Variants in SUZ12 observed in about 807,000 individuals in gnomAD.
The protein encoded by SUZ12 is SUZ12 polycomb repressive complex 2 subunit.
A neutral mutation model predicts 87.3 loss-of-function variants in SUZ12; 17 were observed. The observed-to-expected ratio is 0.19, with a 90% confidence interval of 0.13 to 0.29. SUZ12 has a LOEUF of 0.29. SUZ12 is among the 10% of genes least tolerant of loss of function. The pLI, the probability that SUZ12 is intolerant of heterozygous loss-of-function variation, is 1.00. For synonymous variants in SUZ12, 253 were observed against 312.4 expected, an observed-to-expected ratio of 0.81 and a Z score of 2.01; for missense variants, 526 against 912.2, an observed-to-expected ratio of 0.58 and a Z score of 5.45.
intron 4 of SUZ12, 77 bp from the exon 5 acceptor site, chr17:31,966,070 A>G (rs1215163159): frequency 1.5e-5 from 19 of 1,301,840 alleles, no homozygotes; most frequent in Non-Finnish European, 1.6e-5. Context: ...TTTGATTTCA[A>G]TGTTATATTT....
In SUZ12 at chr17:31,966,203, A is replaced by T; in HGVS notation, c.505+7A>T. 2 of 1,598,534 alleles carry T rather than the reference A, an allele frequency of 1.3e-6. No individual in the cohort carries two copies. Among genetic ancestry groups the T allele is most frequent in the Non-Finnish European group, 8.5e-7 (1 of 1,174,610 alleles). ...GGTTTCTTCCACAAAAATGGTATGT[A>T]TTTAAAAGTAAATAAAGTGGCATTT... On this transcript the variant is annotated splice_region_variant and intron_variant, in intron 5 of 15. Coordinates refer to ENST00000322652, the MANE Select transcript of SUZ12 (RefSeq NM_015355.4).
At chr17:31,960,059 C>T (rs112217242) in intron 4 of SUZ12, among the ~76,000 whole-genome samples, 3,002 of 152,230 alleles carry the variant, frequency 0.02, 41 homozygotes, top group Non-Finnish European at 0.029. Context: ...CTTTTCCTCC[C>T]GTTCATCTGG....
At position 32,000,632 on chromosome 17, in the gene SUZ12, TAAAAAAA is replaced by T. The variant is rs769296762; in HGVS notation, c.*1640_*1646del. Reference sequence around the variant, plus strand: ...AATTTGCTAAAGCTGTGCACATATGTAAAAAAAAAAAAAAAAAGATTATTTTAGGGGA... The same window carrying T: ...AATTTGCTAAAGCTGTGCACATATGTAAAAAAAAAAGATTATTTTAGGGGA... On this transcript the variant is annotated 3_prime_UTR_variant, in exon 16 of 16. Transcript: ENST00000322652. The T allele has an allele frequency of 5.3e-6, 1 of 188,962 alleles. No homozygotes were observed. The highest frequency in any genetic ancestry group is 1.0e-5 in the Non-Finnish European group (1 of 95,818). 11.7% of individuals were successfully genotyped at this position (188,962 alleles called of 1,614,324 possible).
chr17:31,968,451 C>CA (rs1908223413), intron 5 of SUZ12, among the ~76,000 whole-genome samples: 1 of 152,070 alleles, frequency 6.6e-6, no homozygotes, highest in Non-Finnish European at 1.5e-5. Context: ...AGGCTGGTCT[C>CA]AAACTCCTGG....
intron 5 of SUZ12, among the ~76,000 whole-genome samples, chr17:31,969,603 AC>A (rs1567825226): frequency 6.6e-6 from 1 of 152,160 alleles, no homozygotes; most frequent in African/African-American, 2.4e-5. Flanking sequence ...GTTGAAAATA[AC>A]TATTCTATTT....
intron 9 of SUZ12, among the ~76,000 whole-genome samples, chr17:31,985,245 G>A (rs1909342038): frequency 6.7e-6 from 1 of 150,000 alleles, no homozygotes; most frequent in Admixed American, 6.7e-5. Flanking sequence ...TGTATATATA[G>A]TCTTTAACAA....
At chr17:31,947,815 A>G in intron 4 of SUZ12, 130 bp downstream of exon 4, 1 of 910,580 alleles carries the variant, frequency 1.1e-6, no homozygotes, top group Non-Finnish European at 1.6e-6. Flanking sequence ...TTTGGTCCAA[A>G]CTCACACACA....
At chr17:31,985,021 G>A (rs1255914993) in intron 9 of SUZ12, among the ~76,000 whole-genome samples, 1 of 152,074 alleles carries the variant, frequency 6.6e-6, no homozygotes, top group African/African-American at 2.4e-5. Context: ...CAGGCATGGT[G>A]GCAGGTGCTT....
At chr17:31,980,110 G>A (rs1909009975) in intron 8 of SUZ12, among the ~76,000 whole-genome samples, 1 of 151,708 alleles carries the variant, frequency 6.6e-6, no homozygotes, top group African/African-American at 2.4e-5. Flanking sequence ...GACTATTTGA[G>A]CCCAGGAGTT....
At chr17:31,948,597 A>G (rs991073694) in intron 4 of SUZ12, among the ~76,000 whole-genome samples, 1 of 152,204 alleles carries the variant, frequency 6.6e-6, no homozygotes. Context: ...GTTGACTGGT[A>G]AAAGACTTCC....
Position 31,998,933 on chromosome 17 carries a change from CAA to C in SUZ12, c.2153_2154del (p.Lys718ArgfsTer8). On this transcript the variant is annotated frameshift_variant, in exon 16 of 16. Coordinates refer to ENST00000322652, the MANE Select transcript of SUZ12 (RefSeq NM_015355.4). LOFTEE classifies it high-confidence loss of function. ...GCAAATGGATTTAGTGAAATTAACT[CAA>C]AAGAGAAAGCTTTGGAAACAGATAG... is the stretch of plus-strand genomic sequence containing the variant. 1 of 1,609,880 alleles carries C rather than the reference CAA, an allele frequency of 6.2e-7. No homozygotes were observed. The highest frequency in any genetic ancestry group is 8.5e-7 in the Non-Finnish European group (1 of 1,178,912).
At position 31,997,653 on chromosome 17, in the gene SUZ12, GAGACCCTATCTCCAAAAAAAAAAAAAAA is replaced by G. The variant is rs1344669801; in HGVS notation, c.1874+778_1874+805del. Among the ~76,000 whole-genome samples the G allele has an allele frequency of 2.3e-5, 3 of 130,202 alleles. No individual in the cohort carries two copies. The East Asian group carries it at 6.6e-4, about 29-fold the overall frequency. The allele number at this position is 130,202 out of a possible 152,430, so 85.4% of individuals were successfully genotyped here. On this transcript the variant is annotated intron_variant, in intron 15 of 15. Transcript: ENST00000322652. ...TGCACTCCAGCCTGGGCAACAGAGT[GAGACCCTATCTCCAAAAAAAAAAAAAAA>G]AAAAAAGGCCACCTTGGTGGGACCC...
At chr17:31,954,506 C>G (rs1175481631) in intron 4 of SUZ12, among the ~76,000 whole-genome samples, 1 of 152,014 alleles carries the variant, frequency 6.6e-6, no homozygotes, top group African/African-American at 2.4e-5. Flanking sequence ...GTGCAATGTC[C>G]TAGGCACTAT....
intron 1 of SUZ12, among the ~76,000 whole-genome samples, chr17:31,939,584 C>T (rs962493409): frequency 6.6e-6 from 1 of 150,832 alleles, no homozygotes; most frequent in African/African-American, 2.4e-5. Flanking sequence ...AGTACAATGA[C>T]GCGATCTCGG....
chr17:31,965,534 A>G (rs1324567966), intron 4 of SUZ12, among the ~76,000 whole-genome samples: 1 of 152,206 alleles, frequency 6.6e-6, no homozygotes, highest in African/African-American at 2.4e-5. Flanking sequence ...AAAATGATAT[A>G]TTGAAACAGT....
At chr17:31,963,451 G>A (rs1192975376) in intron 4 of SUZ12, among the ~76,000 whole-genome samples, 9 of 151,644 alleles carry the variant, frequency 5.9e-5, no homozygotes, top group African/African-American at 1.9e-4. Context: ...GAGCCACCAC[G>A]CCCAGCTGAT....
At chr17:31,944,394 C>T (rs1426571167) in intron 3 of SUZ12, among the ~76,000 whole-genome samples, 1 of 152,200 alleles carries the variant, frequency 6.6e-6, no homozygotes, top group African/African-American at 2.4e-5. Flanking sequence ...TCCCAAAGTG[C>T]TGGGATTACA....
intron 4 of SUZ12, among the ~76,000 whole-genome samples, chr17:31,953,560 G>T (rs991722305): frequency 2.6e-5 from 4 of 151,640 alleles, no homozygotes; most frequent in Non-Finnish European, 5.9e-5. Context: ...GGCATGTACT[G>T]TCACACCTCA....
At chr17:31,954,922 A>G (rs1201513514) in intron 4 of SUZ12, among the ~76,000 whole-genome samples, 2 of 152,228 alleles carry the variant, frequency 1.3e-5, no homozygotes, top group Non-Finnish European at 2.9e-5. Context: ...AGGGCCAGAC[A>G]GTGCATTGTC....
Sources: allele counts gnomAD v4.1 joint callset (sites outside exome capture counted in the v4.1 genomes callset), GRCh38; gene constraint gnomAD v4.1.1; transcripts MANE v1.5; gene names NCBI Gene and HGNC (gene_info 2026-07-23, HGNC 2026-07-21).